Variants in DAB1 observed in about 807,000 individuals in gnomAD.
The protein encoded by DAB1 is disabled homolog 1.
A neutral mutation model predicts 64.6 loss-of-function variants in DAB1; 15 were observed. The observed-to-expected ratio is 0.23, with a 90% confidence interval of 0.16 to 0.36. The LOEUF (loss-of-function observed/expected upper bound fraction) is 0.36. Ranked by LOEUF, DAB1 falls within the 10% of genes least tolerant of loss-of-function variation. The pLI, the probability that DAB1 is intolerant of heterozygous loss-of-function variation, is 1.00. For synonymous variants in DAB1, 235 were observed against 251.9 expected (o/e 0.93, Z 0.64); for missense variants, 596 against 706.7 (o/e 0.84, Z 1.78).
chr1:58,430,444 A>G (rs1433963578), intron 3 of DAB1, among the ~76,000 whole-genome samples: 1 of 152,178 alleles, frequency 6.6e-6, no homozygotes, highest in Non-Finnish European at 1.5e-5. Flanking sequence ...GTAAGAGATC[A>G]TATCAGGTTA....
intron 5 of DAB1, among the ~76,000 whole-genome samples, chr1:58,089,418 A>C (rs1032747212): frequency 6.6e-6 from 1 of 152,234 alleles, no homozygotes; most frequent in African/African-American, 2.4e-5. Context: ...TATAGTCTTG[A>C]ACAAAGATTA....
At chr1:58,049,691 G>A (rs973055593) in intron 5 of DAB1, among the ~76,000 whole-genome samples, 1 of 152,098 alleles carries the variant, frequency 6.6e-6, no homozygotes, top group Non-Finnish European at 1.5e-5. Context: ...AGTCTCTTTA[G>A]ATTTTAGTCT....
intron 1 of DAB1, chr1:57,306,862 G>A (rs1674227070): frequency 6.6e-6 from 1 of 152,114 alleles, no homozygotes. Context: ...ATCTTACCTG[G>A]TGAGAATTTC....
At chr1:57,165,222 G>T (rs572088160) in intron 2 of DAB1, among the ~76,000 whole-genome samples, 1 of 151,172 alleles carries the variant, frequency 6.6e-6, no homozygotes, top group Non-Finnish European at 1.5e-5. Context: ...TTTTTTTGTC[G>T]CCTTTCTGCA....
At chr1:58,503,395 T>C (rs998221616) in intron 3 of DAB1, among the ~76,000 whole-genome samples, 1 of 152,172 alleles carries the variant, frequency 6.6e-6, no homozygotes, top group Non-Finnish European at 1.5e-5. Context: ...GAATAATTAC[T>C]ACATATTATA....
At chr1:57,191,542 C>T (rs1664122367) in intron 2 of DAB1, among the ~76,000 whole-genome samples, 1 of 152,102 alleles carries the variant, frequency 6.6e-6, no homozygotes, top group Non-Finnish European at 1.5e-5. Context: ...CTGTTGATGG[C>T]TCAACTATAT....
chr1:57,720,494 C>A (rs1310722852), intron 6 of DAB1, among the ~76,000 whole-genome samples: 1 of 152,174 alleles, frequency 6.6e-6, no homozygotes, highest in Non-Finnish European at 1.5e-5. Context: ...GAAGATAGTG[C>A]AGTATAAGAG....
chr1:58,291,943 A>G (rs1661851680), intron 4 of DAB1, among the ~76,000 whole-genome samples: 1 of 152,238 alleles, frequency 6.6e-6, no homozygotes, highest in South Asian at 2.1e-4. Flanking sequence ...TGAGATTATC[A>G]TCTGGATTGA....
intron 4 of DAB1, among the ~76,000 whole-genome samples, chr1:58,284,452 C>A (rs1661637088): frequency 6.6e-6 from 1 of 152,374 alleles, no homozygotes; most frequent in South Asian, 2.1e-4. Context: ...CCCAACCTGG[C>A]TTCTCCAGTC....
intron 7 of DAB1, among the ~76,000 whole-genome samples, chr1:57,566,501 A>G (rs192967351): frequency 2.0e-5 from 3 of 152,276 alleles, no homozygotes; most frequent in African/African-American, 7.2e-5. Context: ...GTTTTTTGAA[A>G]AGATCAACAA....
At chr1:57,481,883 T>G (rs2101242649) in intron 7 of DAB1, among the ~76,000 whole-genome samples, 1 of 152,130 alleles carries the variant, frequency 6.6e-6, no homozygotes, top group South Asian at 2.1e-4. Context: ...GTTGAGTGAA[T>G]AAAATAATCT....
At chr1:57,626,727 C>T (rs1400856190) in intron 7 of DAB1, among the ~76,000 whole-genome samples, 6 of 152,116 alleles carry the variant, frequency 3.9e-5, no homozygotes, top group Non-Finnish European at 8.8e-5. Flanking sequence ...TCACAGATAG[C>T]CATCTTTTCA....
At chr1:58,189,718 G>A (rs763118101) in intron 4 of DAB1, among the ~76,000 whole-genome samples, 1 of 152,160 alleles carries the variant, frequency 6.6e-6, no homozygotes, top group Non-Finnish European at 1.5e-5. Flanking sequence ...AAGAAGTCAC[G>A]GACTTGGCAA....
intron 1 of DAB1, among the ~76,000 whole-genome samples, chr1:57,330,687 C>T (rs1368293143): frequency 1.3e-5 from 2 of 152,098 alleles, no homozygotes; most frequent in Non-Finnish European, 2.9e-5. Flanking sequence ...GTATGTCACT[C>T]CTCATTGTGT....
intron 2 of DAB1, among the ~76,000 whole-genome samples, chr1:58,517,891 GAA>G (rs986822784): frequency 6.6e-6 from 1 of 151,788 alleles, no homozygotes; most frequent in Non-Finnish European, 1.5e-5. Context: ...CTTATCTTAA[GAA>G]AGTGAGTATC....
At chr1:57,669,388 T>C (rs1646484453) in intron 6 of DAB1, among the ~76,000 whole-genome samples, 1 of 152,138 alleles carries the variant, frequency 6.6e-6, no homozygotes, top group Non-Finnish European at 1.5e-5. Context: ...GTCAAAAATA[T>C]ATTTTACATG....
intron 5 of DAB1, among the ~76,000 whole-genome samples, chr1:58,065,370 T>G (rs1648789625): frequency 6.6e-6 from 1 of 152,182 alleles, no homozygotes; most frequent in African/African-American, 2.4e-5. Flanking sequence ...TTTAGCAAAT[T>G]TCAAGTATAC....
intron 5 of DAB1, among the ~76,000 whole-genome samples, chr1:57,903,170 C>T (rs142527616): frequency 0.018 from 2,733 of 152,202 alleles, 32 homozygotes; most frequent in Non-Finnish European, 0.028. Flanking sequence ...TCCCATGACA[C>T]GTGGGAATTA....
chr1:57,487,605 C>T (rs771342233), intron 7 of DAB1, among the ~76,000 whole-genome samples: 1 of 152,180 alleles, frequency 6.6e-6, no homozygotes, highest in South Asian at 2.1e-4. Context: ...TAATTCTACC[C>T]TCTGAAATTG....
Sources: allele counts gnomAD v4.1 joint callset (sites outside exome capture counted in the v4.1 genomes callset), GRCh38; gene constraint gnomAD v4.1.1; transcripts MANE v1.5; gene names NCBI Gene and HGNC (gene_info 2026-07-23, HGNC 2026-07-21).